The following RERE variants were observed in gnomAD, a reference collection of about 807,000 sequenced individuals.
The protein encoded by RERE is arginine-glutamic acid dipeptide repeats protein.
RERE carries 40 observed loss-of-function variants against 146.1 expected under a neutral mutation model. The observed-to-expected ratio is 0.27, with a 90% CI of 0.21 to 0.36. RERE has a LOEUF of 0.36. Among genes scored for constraint, RERE ranks in the 10% least tolerant of loss-of-function variants. The pLI, the probability that RERE is intolerant of heterozygous loss-of-function variation, is 1.00. For missense variants in RERE, 1,933 were observed against 2,138.7 expected (o/e 0.90, Z 1.90); for synonymous variants, 1,003 against 866.0 (o/e 1.16, Z -2.78).
At chr1:8,726,681 A>G (rs1229400550) in intron 1 of RERE, among the ~76,000 whole-genome samples, 2 of 152,176 alleles carry the variant, frequency 1.3e-5, no homozygotes, top group Non-Finnish European at 2.9e-5. Context: ...AGAAGCATGA[A>G]CATGTTGACT....
intron 6 of RERE, among the ~76,000 whole-genome samples, chr1:8,544,780 T>A (rs1645838495): frequency 6.6e-6 from 1 of 152,104 alleles, no homozygotes; most frequent in South Asian, 2.1e-4. Context: ...ACAATGAGAA[T>A]CATTACCATA....
chr1:8,411,415 T>C (rs889840922), intron 12 of RERE, among the ~76,000 whole-genome samples: 15 of 151,670 alleles, frequency 9.9e-5, no homozygotes, highest in African/African-American at 3.4e-4. Flanking sequence ...GTTGGAACTA[T>C]AGTAGGAGTA....
intron 4 of RERE, among the ~76,000 whole-genome samples, chr1:8,609,920 C>A (rs1232689993): frequency 6.6e-6 from 1 of 152,066 alleles, no homozygotes; most frequent in African/African-American, 2.4e-5. Flanking sequence ...AGACACATGC[C>A]ACCACACCCA....
chr1:8,524,943 A>C (rs1645551902), intron 7 of RERE, among the ~76,000 whole-genome samples: 1 of 152,266 alleles, frequency 6.6e-6, no homozygotes, highest in Admixed American at 6.5e-5. Context: ...ATTCCAAGTC[A>C]CATGACAACA....
intron 7 of RERE, among the ~76,000 whole-genome samples, chr1:8,536,261 C>G (rs1232437360): frequency 6.6e-6 from 1 of 152,026 alleles, no homozygotes; most frequent in Non-Finnish European, 1.5e-5. Context: ...GATGGAGAAA[C>G]AGAGTCCAGA....
At chr1:8,788,668 T>TG (rs961095451) in intron 1 of RERE, among the ~76,000 whole-genome samples, 16 of 148,348 alleles carry the variant, frequency 1.1e-4, no homozygotes, top group African/African-American at 3.5e-4. Context: ...CAGCCAGTGT[T>TG]TTTTTTTTTT....
At chr1:8,504,098 A>C (rs1297365099) in intron 8 of RERE, among the ~76,000 whole-genome samples, 2 of 152,204 alleles carry the variant, frequency 1.3e-5, no homozygotes, top group East Asian at 1.9e-4. Context: ...TAGGGAAATA[A>C]AACACCTATT....
chr1:8,530,517 G>A (rs1011562495), intron 7 of RERE, among the ~76,000 whole-genome samples: 1 of 151,980 alleles, frequency 6.6e-6, no homozygotes, highest in Non-Finnish European at 1.5e-5. Flanking sequence ...GGGGCGGGGA[G>A]GGGAAGCAAC....
chr1:8,690,724 T>C (rs1639189542), intron 1 of RERE, among the ~76,000 whole-genome samples: 1 of 152,152 alleles, frequency 6.6e-6, no homozygotes. Flanking sequence ...GCCTTTACTT[T>C]TAATTATACA....
intron 12 of RERE, among the ~76,000 whole-genome samples, chr1:8,387,439 T>C (rs1480089943): frequency 6.6e-6 from 1 of 152,182 alleles, no homozygotes; most frequent in Non-Finnish European, 1.5e-5. Context: ...GCTCAAAGTA[T>C]AAAGGCTGAT....
chr1:8,407,825 C>T (rs995932693), intron 12 of RERE, among the ~76,000 whole-genome samples: 1 of 152,198 alleles, frequency 6.6e-6, no homozygotes, highest in African/African-American at 2.4e-5. Flanking sequence ...AAACAGAGAA[C>T]CACAGGGAGG....
At chr1:8,692,344 C>CT (rs55723477) in intron 1 of RERE, among the ~76,000 whole-genome samples, 119,856 of 147,634 alleles carry the variant, frequency 0.81, 48,853 homozygotes, top group East Asian at 0.94. Context: ...CTCCCATATA[C>CT]TTTTTTTTTT....
intron 7 of RERE, among the ~76,000 whole-genome samples, 162 bp from the exon 8 acceptor site, chr1:8,508,837 C>T (rs186528404): frequency 6.6e-6 from 1 of 152,352 alleles, no homozygotes; most frequent in East Asian, 1.9e-4. Flanking sequence ...ACACCACCCA[C>T]CACCACACAT....
chr1:8,640,893 G>A (rs1647167943), intron 2 of RERE, among the ~76,000 whole-genome samples: 1 of 152,130 alleles, frequency 6.6e-6, no homozygotes, highest in Admixed American at 6.6e-5. Flanking sequence ...ACTTTTTCTA[G>A]TATTTAGGGT....
chr1:8,430,807 G>A (rs1371698701), intron 11 of RERE, among the ~76,000 whole-genome samples: 1 of 152,162 alleles, frequency 6.6e-6, no homozygotes, highest in Non-Finnish European at 1.5e-5. Flanking sequence ...CCATTCTACA[G>A]ATAAACTAAA....
intron 1 of RERE, among the ~76,000 whole-genome samples, chr1:8,656,862 C>A (rs1354355669): frequency 1.3e-5 from 2 of 152,064 alleles, no homozygotes; most frequent in Non-Finnish European, 2.9e-5. Context: ...CCTTGTAATC[C>A]CAGCATTTTG....
intron 7 of RERE, among the ~76,000 whole-genome samples, chr1:8,528,998 T>A (rs1219302670): frequency 6.6e-6 from 1 of 152,190 alleles, no homozygotes; most frequent in Non-Finnish European, 1.5e-5. Context: ...GCATTCTGGA[T>A]TTTGAAGCAT....
At chr1:8,531,481 C>A (rs192160153) in intron 7 of RERE, among the ~76,000 whole-genome samples, 58 of 151,982 alleles carry the variant, frequency 3.8e-4, no homozygotes, top group Non-Finnish European at 7.2e-4. Context: ...AAAACCAACA[C>A]CAACAATAAA....
intron 1 of RERE, among the ~76,000 whole-genome samples, chr1:8,747,850 C>A (rs76937155): frequency 0.051 from 7,788 of 152,144 alleles, 643 homozygotes; most frequent in African/African-American, 0.18. Flanking sequence ...CAGCTCACTG[C>A]CGAGAACTCC....
Sources: gnomAD v4.1 joint callset for allele counts (sites outside exome capture counted in the v4.1 genomes callset) on GRCh38, gnomAD v4.1.1 for gene constraint, MANE v1.5 for transcripts, NCBI Gene and HGNC (gene_info 2026-07-23, HGNC 2026-07-21) for gene names.